The following RGS21 variants were observed in gnomAD, a reference collection of about 807,000 sequenced individuals.
The protein encoded by RGS21 is regulator of G-protein signalling 21.
RGS21 carries 19 observed loss-of-function variants against 18.7 expected under a neutral mutation model. That is an observed-to-expected ratio of 1.01 (90% CI 0.71 to 1.49). RGS21 has a LOEUF of 1.49. RGS21 is among the 40% of genes most tolerant of loss of function. The pLI is 0.00. For missense variants in RGS21, 194 were observed against 176.8 expected (o/e 1.10, Z -0.55); for synonymous variants, 56 against 57.8 (o/e 0.97, Z 0.14).
At chr1:192,335,250 C>A (rs1282241544) in intron 1 of RGS21, among the ~76,000 whole-genome samples, 1 of 152,064 alleles carries the variant, frequency 6.6e-6, no homozygotes, top group Admixed American at 6.6e-5. Flanking sequence ...AACTAAGTAA[C>A]TTTTGGGAAG....
intron 1 of RGS21, among the ~76,000 whole-genome samples, chr1:192,334,432 T>G (rs1184739756): frequency 1.3e-5 from 2 of 152,208 alleles, no homozygotes; most frequent in Non-Finnish European, 2.9e-5. Context: ...GATTCTATAC[T>G]GAATTCTATT....
chr1:192,342,628 G>A (rs1363471118), intron 1 of RGS21, among the ~76,000 whole-genome samples: 1 of 151,516 alleles, frequency 6.6e-6, no homozygotes, highest in Non-Finnish European at 1.5e-5. Context: ...GCAGATTAAA[G>A]ACTTAAAGGT....
intron 1 of RGS21, 41 bp downstream of exon 1, chr1:192,317,146 T>G (rs1189549093): frequency 6.6e-6 from 1 of 151,900 alleles, no homozygotes; most frequent in African/African-American, 2.4e-5. Flanking sequence ...ATAAATGAAC[T>G]TGTTACAAAG....
Position 192,347,308 on chromosome 1 carries a change from G to A in RGS21, c.12-5G>A. 1 of 1,574,082 alleles carries A rather than the reference G, an allele frequency of 6.4e-7. No individual in the cohort carries two copies. Among genetic ancestry groups the A allele is most frequent in the Non-Finnish European group, 8.7e-7 (1 of 1,145,236 alleles). On this transcript the variant is annotated splice_polypyrimidine_tract_variant and splice_region_variant and intron_variant, in intron 2 of 4. Coordinates refer to ENST00000417209, the MANE Select transcript of RGS21 (RefSeq NM_001039152.3). ...AAAAGATCACAATGCTATTGTCAAG[G>A]TTAGATGCTGTTTCTACAGGTCACC...
In RGS21 at chr1:192,347,362, A is replaced by G. The variant is rs1658966323; in HGVS notation, c.61A>G (p.Asn21Asp). Residue 21 changes from asparagine to aspartate, a missense_variant, in exon 3 of 5, where the codon AAT becomes GAT. Transcript: ENST00000417209. ...PTAETMTWSE[N>D]MDTLLANQAG... The stretch of plus-strand genomic sequence containing the variant: ...TGCGGAAACAATGACATGGTCTGAA[A>G]ATATGGACACGCTTTTAGCCAACCA... The G allele has an allele frequency of 6.2e-7, 1 of 1,605,334 alleles. No individual in the cohort carries two copies. Among genetic ancestry groups the G allele is most frequent in the African/African-American group, 1.3e-5 (1 of 74,778 alleles).
chr1:192,354,458 A>G (rs1374030130), intron 4 of RGS21, among the ~76,000 whole-genome samples: 2 of 151,714 alleles, frequency 1.3e-5, no homozygotes, highest in Non-Finnish European at 3.0e-5. Flanking sequence ...TTGCAGGCAT[A>G]TTGATATTGC....
chr1:192,359,483 T>G (rs1290676533), intron 4 of RGS21, among the ~76,000 whole-genome samples: 1 of 151,934 alleles, frequency 6.6e-6, no homozygotes, highest in East Asian at 1.9e-4. Flanking sequence ...GTCTTACTTT[T>G]AGAGATAGAA....
At chr1:192,363,431 A>T (rs1030019496) in intron 4 of RGS21, among the ~76,000 whole-genome samples, 6 of 152,182 alleles carry the variant, frequency 3.9e-5, no homozygotes, top group African/African-American at 1.4e-4. Flanking sequence ...GCTGTTAAAG[A>T]CTTAACAATA....
intron 1 of RGS21, among the ~76,000 whole-genome samples, chr1:192,323,103 T>C (rs917511529): frequency 6.6e-6 from 1 of 152,160 alleles, no homozygotes; most frequent in Non-Finnish European, 1.5e-5. Flanking sequence ...AGAGACTTCA[T>C]TGTATTGACA....
At chr1:192,361,150 C>T (rs1659182229) in intron 4 of RGS21, among the ~76,000 whole-genome samples, 1 of 152,018 alleles carries the variant, frequency 6.6e-6, no homozygotes, top group Non-Finnish European at 1.5e-5. Flanking sequence ...AGACTTAGCA[C>T]ATCAGTACTA....
Position 192,342,985 on chromosome 1 carries a change from T to A in RGS21, c.-52T>A. Reference sequence around the variant, plus strand: ...TGTCACATTACCTTCAGCTTGAAGATCAGTCAGAAAGAGAAACTCGGCATC... The same window carrying A: ...TGTCACATTACCTTCAGCTTGAAGAACAGTCAGAAAGAGAAACTCGGCATC... On this transcript the variant is annotated 5_prime_UTR_variant, in exon 2 of 5. Transcript: ENST00000417209. 3 of 1,596,776 alleles carry A rather than the reference T, an allele frequency of 1.9e-6. No homozygotes were observed. Among genetic ancestry groups the A allele is most frequent in the Non-Finnish European group, 2.6e-6 (3 of 1,164,498 alleles).
chr1:192,317,421 T>C (rs545271747), intron 1 of RGS21, among the ~76,000 whole-genome samples: 17 of 151,430 alleles, frequency 1.1e-4, no homozygotes, highest in South Asian at 4.2e-4. Flanking sequence ...ATAGAACCCA[T>C]AGAATTTTAA....
intron 1 of RGS21, among the ~76,000 whole-genome samples, chr1:192,331,621 T>C (rs1042875059): frequency 3.3e-5 from 5 of 151,636 alleles, no homozygotes; most frequent in Admixed American, 6.6e-5. Flanking sequence ...TAAAACATAT[T>C]ATTCAAAAAA....
At chr1:192,328,932 G>A (rs1419785596) in intron 1 of RGS21, among the ~76,000 whole-genome samples, 1 of 151,812 alleles carries the variant, frequency 6.6e-6, no homozygotes, top group Non-Finnish European at 1.5e-5. Flanking sequence ...ACATTCACAT[G>A]GTAAATATGA....
intron 2 of RGS21, among the ~76,000 whole-genome samples, chr1:192,343,797 T>C (rs1380268615): frequency 6.6e-6 from 1 of 151,574 alleles, no homozygotes; most frequent in African/African-American, 2.4e-5. Flanking sequence ...TTACAGGAAA[T>C]AAACACAGAA....
intron 2 of RGS21, among the ~76,000 whole-genome samples, chr1:192,344,971 G>T (rs980338327): frequency 6.6e-6 from 1 of 151,934 alleles, no homozygotes; most frequent in African/African-American, 2.4e-5. Flanking sequence ...TAAAATATCT[G>T]TAACATTTTA....
chr1:192,331,403 T>C (rs1284673729), intron 1 of RGS21, among the ~76,000 whole-genome samples: 1 of 151,702 alleles, frequency 6.6e-6, no homozygotes, highest in Non-Finnish European at 1.5e-5. Flanking sequence ...AGACAAAAAA[T>C]TAGCGTGGTG....
chr1:192,365,136 C>CAA (rs77506382), intron 4 of RGS21, among the ~76,000 whole-genome samples: 3 of 94,860 alleles, frequency 3.2e-5, no homozygotes, highest in Admixed American at 1.1e-4. Context: ...AAGTGCGTCT[C>CAA]AAAAAAAAAA....
chr1:192,319,698 A>AT (rs559803634), intron 1 of RGS21, among the ~76,000 whole-genome samples: 102 of 152,202 alleles, frequency 6.7e-4, no homozygotes, highest in African/African-American at 2.0e-3. Context: ...TTTTTGAGTC[A>AT]TTTTAGCTAC....
Sources: gnomAD v4.1 joint callset for allele counts (sites outside exome capture counted in the v4.1 genomes callset) on GRCh38, gnomAD v4.1.1 for gene constraint, MANE v1.5 for transcripts, NCBI Gene and HGNC (gene_info 2026-07-23, HGNC 2026-07-21) for gene names.